Variants in CNTN3 observed in about 807,000 individuals in gnomAD.
CNTN3 encodes the protein contactin-3.
CNTN3 carries 60 observed loss-of-function variants against 119.1 expected under a neutral mutation model. The observed-to-expected ratio is 0.50, with a 90% CI of 0.41 to 0.62. The LOEUF (loss-of-function observed/expected upper bound fraction) is 0.62. CNTN3 is among the 20% of genes least tolerant of loss of function. The probability of loss-of-function intolerance (pLI) is 0.00; values close to 1 mark genes in which losing one functional copy is unlikely to be tolerated. For synonymous variants in CNTN3, 450 were observed against 438.7 expected (o/e 1.03, Z -0.32); for missense variants, 1,101 against 1,242.4 (o/e 0.89, Z 1.71).
chr3:74,371,075 T>C (rs1042484810), intron 6 of CNTN3, 121 bp downstream of exon 6: 1 of 686,448 alleles, frequency 1.5e-6, no homozygotes, highest in Admixed American at 2.6e-5. Flanking sequence ...TAAAATAGTC[T>C]GTGCCAAAAA....
chr3:74,594,371 C>A (rs1704759607), intron 1 of CNTN3, among the ~76,000 whole-genome samples: 1 of 149,404 alleles, frequency 6.7e-6, no homozygotes, highest in African/African-American at 2.5e-5. Context: ...TATACATGTG[C>A]CATGCTGGTG....
chr3:74,267,719 T>C (rs1159160676), intron 20 of CNTN3, among the ~76,000 whole-genome samples: 1 of 152,104 alleles, frequency 6.6e-6, no homozygotes, highest in Non-Finnish European at 1.5e-5. Context: ...CTTTAGAGCA[T>C]TTCACACTTA....
intron 11 of CNTN3, among the ~76,000 whole-genome samples, chr3:74,348,268 A>C (rs1703738415): frequency 6.6e-6 from 1 of 152,238 alleles, no homozygotes; most frequent in African/African-American, 2.4e-5. Flanking sequence ...TATTGACTTC[A>C]CAATGTATAC....
chr3:74,501,941 T>C (rs573198188), intron 2 of CNTN3, among the ~76,000 whole-genome samples: 1 of 151,874 alleles, frequency 6.6e-6, no homozygotes, highest in African/African-American at 2.4e-5. Flanking sequence ...TGAATAGAAA[T>C]AATAAGTAAA....
At chr3:74,373,581 T>A (rs1704395213) in intron 5 of CNTN3, among the ~76,000 whole-genome samples, 1 of 152,152 alleles carries the variant, frequency 6.6e-6, no homozygotes, top group South Asian at 2.1e-4. Flanking sequence ...ATCTGGTGAA[T>A]TCATGCAAGA....
intron 4 of CNTN3, among the ~76,000 whole-genome samples, chr3:74,473,895 C>A (rs920263588): frequency 6.6e-6 from 1 of 152,094 alleles, no homozygotes; most frequent in African/African-American, 2.4e-5. Context: ...ATACGGGAAC[C>A]AGGACAGAGC....
chr3:74,302,939 G>C (rs1220571407), intron 13 of CNTN3, 132 bp from the exon 14 acceptor site: 2 of 556,232 alleles, frequency 3.6e-6, no homozygotes, highest in Non-Finnish European at 6.4e-6. Context: ...TGGTATAAGA[G>C]AGTAGATTGC....
intron 4 of CNTN3, among the ~76,000 whole-genome samples, chr3:74,432,753 G>A (rs13088286): frequency 0.4 from 61,466 of 151,942 alleles, 12,660 homozygotes; most frequent in East Asian, 0.56. Flanking sequence ...CATTATTTTC[G>A]TTATTTCTTG....
At chr3:74,477,871 G>A (rs1158028919) in intron 4 of CNTN3, among the ~76,000 whole-genome samples, 5 of 151,754 alleles carry the variant, frequency 3.3e-5, no homozygotes, top group Non-Finnish European at 7.4e-5. Context: ...AAAAAACACA[G>A]ATCTCAAAGA....
chr3:74,594,254 A>C (rs1172623268), intron 1 of CNTN3, among the ~76,000 whole-genome samples: 1 of 149,210 alleles, frequency 6.7e-6, no homozygotes, highest in African/African-American at 2.5e-5. Context: ...TAGATATCCA[A>C]AACTGTATTT....
At chr3:74,264,940 G>A (rs1701639146) in intron 22 of CNTN3, among the ~76,000 whole-genome samples, 1 of 152,070 alleles carries the variant, frequency 6.6e-6, no homozygotes, top group Non-Finnish European at 1.5e-5. Context: ...ATGTGTTTAA[G>A]TTTTCTTAAA....
intron 4 of CNTN3, among the ~76,000 whole-genome samples, chr3:74,465,077 T>G (rs1205325555): frequency 6.6e-6 from 1 of 152,192 alleles, no homozygotes; most frequent in Non-Finnish European, 1.5e-5. Context: ...TTAATATTTC[T>G]ATTACCATTG....
intron 2 of CNTN3, among the ~76,000 whole-genome samples, chr3:74,512,512 A>G (rs1478829646): frequency 3.3e-5 from 5 of 152,088 alleles, no homozygotes; most frequent in African/African-American, 1.2e-4. Flanking sequence ...TCTTCAAATA[A>G]TTACTCACCA....
At chr3:74,581,065 C>T (rs750750209) in intron 1 of CNTN3, among the ~76,000 whole-genome samples, 12 of 152,108 alleles carry the variant, frequency 7.9e-5, no homozygotes, top group Non-Finnish European at 1.5e-4. Context: ...TGTGCTCTAC[C>T]ATCAGGAAGA....
chr3:74,307,707 T>C (rs924330573), intron 13 of CNTN3, among the ~76,000 whole-genome samples: 1 of 152,198 alleles, frequency 6.6e-6, no homozygotes, highest in Non-Finnish European at 1.5e-5. Context: ...TTGTGATATC[T>C]ACCACATGCT....
chr3:74,391,082 A>G (rs1277737888), intron 5 of CNTN3, among the ~76,000 whole-genome samples: 1 of 152,180 alleles, frequency 6.6e-6, no homozygotes. Flanking sequence ...TGGATTTGGC[A>G]GCCCCATAAA....
At chr3:74,357,113 A>T (rs1703954853) in intron 11 of CNTN3, among the ~76,000 whole-genome samples, 1 of 151,924 alleles carries the variant, frequency 6.6e-6, no homozygotes, top group African/African-American at 2.4e-5. Flanking sequence ...TTTTTAGTAC[A>T]GACAGGGTTT....
intron 2 of CNTN3, among the ~76,000 whole-genome samples, chr3:74,520,601 A>G (rs924589896): frequency 1.3e-5 from 2 of 151,482 alleles, no homozygotes; most frequent in Admixed American, 1.3e-4. Flanking sequence ...AATTTTCCAA[A>G]ATTAAAAAAT....
intron 2 of CNTN3, among the ~76,000 whole-genome samples, chr3:74,516,820 CAA>C (rs1703458595): frequency 7.0e-6 from 1 of 143,852 alleles, no homozygotes; most frequent in Admixed American, 6.8e-5. Flanking sequence ...TAGCTTAAAA[CAA>C]TATCCAAGGA....
Sources: allele counts gnomAD v4.1 joint callset (sites outside exome capture counted in the v4.1 genomes callset), GRCh38; gene constraint gnomAD v4.1.1; transcripts MANE v1.5; gene names NCBI Gene and HGNC (gene_info 2026-07-23, HGNC 2026-07-21).